The following CKAP2 variants were observed in gnomAD, a reference collection of about 807,000 sequenced individuals.
CKAP2 encodes cytoskeleton associated protein 2, also known as cytoskeleton-associated protein 2.
In CKAP2, 46 loss-of-function variants were observed where a neutral mutation model predicts 58.4. The ratio of observed to expected loss-of-function variants is 0.79; its 90% confidence interval spans 0.62 to 1.01. CKAP2 has a LOEUF of 1.01. CKAP2 is among the 50% of genes least tolerant of loss of function. The pLI is 0.00. For missense variants in CKAP2, 809 were observed against 796.4 expected (o/e 1.02, Z -0.19); for synonymous variants, 293 against 280.9 (o/e 1.04, Z -0.43).
rs151038841 is a variant in CKAP2 at position 52,468,492 on chromosome 13, G to A, written c.1546+145G>A. On this transcript the variant is annotated intron_variant, in intron 7 of 8. Transcript: ENST00000258607. Reference sequence around the variant, plus strand: ...TAAATGTGTGTCATGGGGGTTTGTTGTACAGATTATTTTATCACCCAGGTA... The same window carrying A: ...TAAATGTGTGTCATGGGGGTTTGTTATACAGATTATTTTATCACCCAGGTA... 370 of 573,556 alleles carry A rather than the reference G, an allele frequency of 6.5e-4. 6 individuals are homozygous for A. In the East Asian group the frequency reaches 9.4e-3, roughly 15 times the overall value. 35.5% of individuals were successfully genotyped at this position (573,556 alleles called of 1,614,324 possible).
intron 7 of CKAP2, 30 bp downstream of exon 7, chr13:52,468,377 G>C: frequency 7.6e-7 from 1 of 1,317,204 alleles, no homozygotes; most frequent in African/African-American, 1.5e-5. Flanking sequence ...TTTCCTTCAT[G>C]TGAACTGTAG....
At chr13:52,465,802 G>A (rs1958659376) in intron 6 of CKAP2, 2 of 434,316 alleles carry the variant, frequency 4.6e-6, no homozygotes, top group Admixed American at 5.7e-5. Context: ...TTTGTTTATT[G>A]AATATAAAGC....
At chr13:52,474,790 A>T in intron 8 of CKAP2, 105 bp from the exon 9 acceptor site, 1 of 1,105,556 alleles carries the variant, frequency 9.0e-7, no homozygotes, top group Non-Finnish European at 1.3e-6. Context: ...AAATGCTTTT[A>T]CCTGCTTATA....
chr13:52,475,376 T>G lies in CKAP2; in HGVS notation c.*235T>G. On this transcript the variant is annotated 3_prime_UTR_variant, in exon 9 of 9. Transcript: ENST00000258607. ...AACTGAGTTTTTTCTTTAAGAAAGG[T>G]AAATTTTGTCAGCTAGTTTACTATG... The G allele has an allele frequency of 2.1e-6, 1 of 472,870 alleles. No homozygotes were observed. The highest frequency in any genetic ancestry group is 3.7e-6 in the Non-Finnish European group (1 of 272,308). 29.3% of individuals were successfully genotyped at this position (472,870 alleles called of 1,614,324 possible).
chr13:52,469,508 T>C (rs907967222), intron 7 of CKAP2, among the ~76,000 whole-genome samples: 55 of 152,278 alleles, frequency 3.6e-4, no homozygotes, highest in Non-Finnish European at 6.3e-4. Flanking sequence ...CCAGTTGATA[T>C]GATTTTAGGC....
At chr13:52,457,106 G>A (rs1273316840) in intron 2 of CKAP2, among the ~76,000 whole-genome samples, 1 of 152,028 alleles carries the variant, frequency 6.6e-6, no homozygotes, top group Non-Finnish European at 1.5e-5. Context: ...TATGTTGGCC[G>A]GGCTGGTCTT....
At chr13:52,455,769 C>A in intron 1 of CKAP2, 143 bp downstream of exon 1, 1 of 1,019,524 alleles carries the variant, frequency 9.8e-7, no homozygotes, top group Non-Finnish European at 1.3e-6. Context: ...CGGCCTCGCC[C>A]TGCCTCATTC....
chr13:52,461,260 A>T lies in CKAP2; in HGVS notation c.434A>T (p.Gln145Leu). ...CAAAGTCAACATATGACATTAAGCC[A>T]GGCATTTCACCTTAAAAACAATAGT... The part of the protein sequence containing the change: ...DPQSQHMTLS[Q>L]AFHLKNNSKK... The change falls in exon 4 of 9, where the codon CAG becomes CTG. Residue 145 changes from glutamine (Q) to leucine (L), a missense_variant. Coordinates refer to ENST00000258607, the MANE Select transcript of CKAP2 (RefSeq NM_018204.5). The T allele has an allele frequency of 6.2e-7, 1 of 1,613,686 alleles. No individual in the cohort carries two copies. Among genetic ancestry groups the T allele is most frequent in the South Asian group, 1.1e-5 (1 of 90,884 alleles).
At chr13:52,455,773 C>G in intron 1 of CKAP2, 147 bp downstream of exon 1, 1 of 1,010,992 alleles carries the variant, frequency 9.9e-7, no homozygotes, top group Non-Finnish European at 1.3e-6. Context: ...CTCGCCCTGC[C>G]TCATTCTTGG....
At position 52,462,483 on chromosome 13, in the gene CKAP2, T is replaced by C; in HGVS notation, c.1221T>C (p.Thr407=). Residue 407 remains threonine, a synonymous_variant, in exon 5 of 9, where the codon ACT becomes ACC. Transcript: ENST00000258607. ...AAAAACCAGTTGGGTCTTTTTGGAC[T>C]ACCATGGCAGAAGAAGATGAACAAA... ...QNEKPVGSFW[T]TMAEEDEQRL... 1.9e-6 allele frequency: 3 copies of C among 1,614,136 alleles called. No homozygotes were observed. In the East Asian group the frequency reaches 6.7e-5, roughly 36 times the overall value.
At chr13:52,465,672 G>GA in intron 6 of CKAP2, 1 of 643,190 alleles carries the variant, frequency 1.6e-6, no homozygotes, top group Non-Finnish European at 2.8e-6. Context: ...TCAGATTTTA[G>GA]AAAATGGATA....
At chr13:52,474,417 A>T (rs950101244) in intron 8 of CKAP2, among the ~76,000 whole-genome samples, 1 of 152,168 alleles carries the variant, frequency 6.6e-6, no homozygotes, top group Non-Finnish European at 1.5e-5. Context: ...TGAGCCCAGG[A>T]GGCAGAGGTT....
Position 52,468,339 on chromosome 13 carries a change from C to A in CKAP2, c.1538C>A (p.Ala513Asp). The change falls in exon 7 of 9, where the codon GCT becomes GAT. Residue 513 changes from alanine (A) to aspartate (D), a missense_variant. Physicochemically the swap from Ala to Asp is moderately radical, Grantham distance 126 (BLOSUM62 -2). This residue lies in a region of CKAP2 where 283 missense variants were observed against 287.6 expected (regional missense o/e 0.98). Coordinates refer to ENST00000258607, the MANE Select transcript of CKAP2 (RefSeq NM_018204.5). ...CTAACAATGAAGAGTCAAGAAAAAG[C>A]TAATTTAGGTAAGTTTTAGTTATTT... ...DILTMKSQEK[A>D]NLGENMEKSC... The A allele has an allele frequency of 6.3e-7, 1 of 1,586,408 alleles. No homozygotes were observed. The highest frequency in any genetic ancestry group is 8.6e-7 in the Non-Finnish European group (1 of 1,162,608).
chr13:52,465,946 C>CAT (rs1237367074), intron 6 of CKAP2: 1 of 293,600 alleles, frequency 3.4e-6, no homozygotes. Flanking sequence ...TATATATACA[C>CAT]ATATATATGC....
rs1400816263 is a variant in CKAP2, at chr13:52,475,639, CAGG to C, written c.*502_*504del. The C allele has an allele frequency of 6.6e-6, 1 of 152,596 alleles. No individual in the cohort carries two copies. Among genetic ancestry groups the C allele is most frequent in the Non-Finnish European group, 1.5e-5 (1 of 68,374 alleles). 9.5% of individuals were successfully genotyped at this position (152,596 alleles called of 1,614,324 possible). On this transcript the variant is annotated 3_prime_UTR_variant, in exon 9 of 9. Transcript: ENST00000258607. The stretch of plus-strand genomic sequence containing the variant: ...ATGACTCACTTCGAATACTAAGACA[CAGG>C]AGGTTTAGCCTGCTTTCTTACCAAA...
chr13:52,475,379 A>G lies in CKAP2; in HGVS notation c.*238A>G, dbSNP rs1234735760. 1 of 460,722 alleles carries G rather than the reference A, an allele frequency of 2.2e-6. No homozygotes were observed. Among genetic ancestry groups the G allele is most frequent in the Non-Finnish European group, 3.8e-6 (1 of 263,130 alleles). 28.5% of individuals were successfully genotyped at this position (460,722 alleles called of 1,614,324 possible). A position where few individuals can be genotyped will look rare whatever the true frequency, so the allele number is the denominator to read the frequency against. On this transcript the variant is annotated 3_prime_UTR_variant, in exon 9 of 9. Transcript: ENST00000258607. ...TGAGTTTTTTCTTTAAGAAAGGTAA[A>G]TTTTGTCAGCTAGTTTACTATGTTC...
chr13:52,455,656 G>A, intron 1 of CKAP2, 30 bp downstream of exon 1: 8 of 1,408,830 alleles, frequency 5.7e-6, no homozygotes, highest in South Asian at 5.0e-5. Flanking sequence ...TGGCGGTGGC[G>A]GTGGCGGTGG....
rs200067668 is a variant in CKAP2 at position 52,469,589 on chromosome 13, A to ATTTT, written c.1546+1245_1546+1246insTTTT. Among the ~76,000 whole-genome samples, 112 of 140,178 alleles carry ATTTT rather than the reference A, an allele frequency of 8.0e-4. 1 individual carries two copies. The highest frequency in any genetic ancestry group is 4.0e-3 in the Middle Eastern group (1 of 248). The allele number at this position is 140,178 out of a possible 152,430, so 92.0% of individuals were successfully genotyped here. On this transcript the variant is annotated intron_variant, in intron 7 of 8. Transcript: ENST00000258607. The stretch of plus-strand genomic sequence containing the variant: ...TGAATGAAATAATATTTATTTATTT[A>ATTTT]TTTATTTATTTTTTTTTTGAGACGG...
intron 6 of CKAP2, among the ~76,000 whole-genome samples, chr13:52,466,542 A>T (rs1204597506): frequency 1.3e-5 from 2 of 152,218 alleles, no homozygotes; most frequent in South Asian, 4.1e-4. Context: ...ACATTGTATC[A>T]GAAGGGACAT....
Sources: gnomAD v4.1 joint callset for allele counts (sites outside exome capture counted in the v4.1 genomes callset) on GRCh38, gnomAD v4.1.1 for gene constraint, gnomAD v4.1.1 regional missense constraint, MANE v1.5 for transcripts, NCBI Gene and HGNC (gene_info 2026-07-23, HGNC 2026-07-21) for gene names.